The following CHLSN variants were observed in gnomAD, a reference collection of about 807,000 sequenced individuals.
CHLSN encodes the protein cholesin, also known as protein cholesin.
At chr7:1,019,430 T>A in the CHLSN span, among the ~76,000 whole-genome samples, 1 of 152,188 alleles carries the variant, frequency 6.6e-6, no homozygotes, top group East Asian at 1.9e-4. Context: ...CAGCTGCTGC[T>A]CTGGGCCAGA....
chr7:1,035,633 A>G, the CHLSN span, among the ~76,000 whole-genome samples: 3 of 152,228 alleles, frequency 2.0e-5, no homozygotes, highest in African/African-American at 7.2e-5. Context: ...AGAGACCGAC[A>G]TCACCAAATG....
the CHLSN span, among the ~76,000 whole-genome samples, chr7:1,041,236 G>A: frequency 9.6e-5 from 14 of 145,650 alleles, no homozygotes; most frequent in East Asian, 2.6e-3. Flanking sequence ...TCCGCGCTGC[G>A]GGGAAGGGGA....
the CHLSN span, among the ~76,000 whole-genome samples, chr7:1,124,568 G>C: frequency 2.8e-5 from 3 of 107,876 alleles, no homozygotes; most frequent in African/African-American, 1.1e-4. Flanking sequence ...TCGGGGGGTG[G>C]GGGGGGAGGG....
At chr7:1,133,402 A>C in the CHLSN span, among the ~76,000 whole-genome samples, 1 of 151,670 alleles carries the variant, frequency 6.6e-6, no homozygotes, top group Non-Finnish European at 1.5e-5. Flanking sequence ...CAAAAAAAAA[A>C]AAAAAAAAAA....
chr7:1,007,937 G>A, the CHLSN span, among the ~76,000 whole-genome samples: 19 of 152,138 alleles, frequency 1.2e-4, no homozygotes, highest in Non-Finnish European at 2.4e-4. Context: ...TGGCAGCCAC[G>A]TGGTGGAGCG....
the CHLSN span, among the ~76,000 whole-genome samples, chr7:1,118,026 C>T: frequency 6.6e-6 from 1 of 152,214 alleles, no homozygotes; most frequent in South Asian, 2.1e-4. Context: ...GTGTCACATG[C>T]TGCCCATCTT....
the CHLSN span, among the ~76,000 whole-genome samples, chr7:1,035,018 C>G: frequency 6.6e-6 from 1 of 152,238 alleles, no homozygotes; most frequent in Non-Finnish European, 1.5e-5. Context: ...TGTATATGTA[C>G]CACATTTTCT....
At chr7:1,062,502 C>T in the CHLSN span, among the ~76,000 whole-genome samples, 1 of 152,196 alleles carries the variant, frequency 6.6e-6, no homozygotes, top group Non-Finnish European at 1.5e-5. Context: ...TGTCTCCACA[C>T]GTCTCAAACG....
At chr7:1,136,411 CAT>C in the CHLSN span, among the ~76,000 whole-genome samples, 734 of 30,904 alleles carry the variant, frequency 0.024, 35 homozygotes, top group African/African-American at 0.037. Context: ...TATATATAAA[CAT>C]ATATATAAAT....
chr7:1,001,900 TGGGTGGGGAGTCCTGC>T, the CHLSN span, among the ~76,000 whole-genome samples: 63 of 30,756 alleles, frequency 2.0e-3, 5 homozygotes, highest in Middle Eastern at 0.037. Context: ...TGGAGTCCTG[TGGGTGGGGAGTCCTGC>T]GGGTGGGGAG....
chr7:1,088,913 G>A, the CHLSN span, among the ~76,000 whole-genome samples: 13 of 151,978 alleles, frequency 8.6e-5, no homozygotes, highest in African/African-American at 2.9e-4. This position sits in a 1 kb window ranked among gnomAD's most constrained non-coding sequence, Gnocchi z 4.5. Context: ...ACCAGGTCCC[G>A]TATCTTCTCG....
the CHLSN span, chr7:1,023,120 GCC>G: frequency 2.5e-6 from 1 of 394,636 alleles, no homozygotes; most frequent in Non-Finnish European, 5.1e-6. The surrounding 1 kb of genome is among the most constrained non-coding windows in gnomAD (Gnocchi z 5.0). Context: ...CCTGCCTGTG[GCC>G]CCTTCTCAGA....
At chr7:1,105,658 A>AGGCT in the CHLSN span, among the ~76,000 whole-genome samples, 5,149 of 152,322 alleles carry the variant, frequency 0.034, 283 homozygotes, top group African/African-American at 0.12. Context: ...TCTGTCGCCC[A>AGGCT]GGCTGGAAGG....
chr7:1,092,527 G>T, the CHLSN span: 3 of 1,608,254 alleles, frequency 1.9e-6, no homozygotes, highest in Non-Finnish European at 2.5e-6. Context: ...GGTGGTGCTG[G>T]TCTTCTTCGT....
chr7:1,050,581 G>A, the CHLSN span, among the ~76,000 whole-genome samples: 1 of 152,248 alleles, frequency 6.6e-6, no homozygotes, highest in Admixed American at 6.5e-5. Flanking sequence ...GCACCCTGGT[G>A]CAGGCGGACG....
At chr7:1,044,297 T>C in the CHLSN span, among the ~76,000 whole-genome samples, 1 of 152,228 alleles carries the variant, frequency 6.6e-6, no homozygotes, top group Non-Finnish European at 1.5e-5. Flanking sequence ...AAGAGAATTC[T>C]CAAAAACTCC....
chr7:1,058,434 C>A, the CHLSN span: 1 of 780,774 alleles, frequency 1.3e-6, no homozygotes, highest in Non-Finnish European at 2.4e-6. Context: ...CCCCAGCAAG[C>A]TCCAACGGCT....
chr7:1,136,139 T>C, the CHLSN span, among the ~76,000 whole-genome samples: 6 of 79,796 alleles, frequency 7.5e-5, no homozygotes, highest in African/African-American at 2.5e-4. Context: ...AATATATACA[T>C]AAATATATAA....
the CHLSN span, among the ~76,000 whole-genome samples, chr7:1,041,681 C>A: frequency 6.6e-6 from 1 of 152,192 alleles, no homozygotes; most frequent in African/African-American, 2.4e-5. Flanking sequence ...AAGTTCGTTG[C>A]AAAATATTCC....
Sources: gnomAD v4.1 joint callset for allele counts (sites outside exome capture counted in the v4.1 genomes callset) on GRCh38, gnomAD v4.1.1 for gene constraint, Gnocchi (gnomAD v3.1) non-coding constraint, MANE v1.5 for transcripts, NCBI Gene and HGNC (gene_info 2026-07-23, HGNC 2026-07-21) for gene names.